Variants in PRKD3 observed in about 807,000 individuals in gnomAD.
PRKD3 encodes serine/threonine-protein kinase D3.
PRKD3 carries 47 observed loss-of-function variants against 99.2 expected under a neutral mutation model. The ratio of observed to expected loss-of-function variants is 0.47; its 90% CI spans 0.38 to 0.60. PRKD3 has a LOEUF of 0.60. Among genes scored for constraint, PRKD3 ranks in the 20% least tolerant of loss-of-function variants. The pLI is 0.00. For missense variants in PRKD3, 1,019 were observed against 1,088.4 expected, an observed-to-expected ratio of 0.94 and a Z score of 0.90; for synonymous variants, 392 against 355.4, an observed-to-expected ratio of 1.10 and a Z score of -1.16.
rs1266523607 is a variant in PRKD3, at chr2:37,250,669, C to CTT, written c.*2506_*2507dup. ...ACCAGGTCAAACTTTTCTTTGGATA[C>CTT]TTATACTAGAAATAGGCTCAGGTTT... is the stretch of plus-strand genomic sequence containing the variant. On this transcript the variant is annotated 3_prime_UTR_variant, in exon 19 of 19. Transcript: ENST00000234179. 6.6e-6 allele frequency: 1 copy of CTT among 152,046 alleles called. No homozygotes were observed. The highest frequency in any genetic ancestry group is 1.5e-5 in the Non-Finnish European group (1 of 68,008). 9.4% of individuals were successfully genotyped at this position (152,046 alleles called of 1,614,324 possible). A position where few individuals can be genotyped will look rare whatever the true frequency, so the allele number is the denominator to read the frequency against.
intron 2 of PRKD3, among the ~76,000 whole-genome samples, chr2:37,315,613 T>C (rs568415963): frequency 6.6e-6 from 1 of 152,302 alleles, no homozygotes; most frequent in East Asian, 1.9e-4. Flanking sequence ...ACCTCCTGTT[T>C]TCTCTGAAAA....
intron 17 of PRKD3, 33 bp from the exon 18 acceptor site, chr2:37,254,322 T>C (rs367965762): frequency 1.2e-4 from 182 of 1,561,876 alleles, no homozygotes; most frequent in Non-Finnish European, 1.5e-4. Context: ...ATACATGAAT[T>C]TGGGTGCACA....
intron 2 of PRKD3, 85 bp downstream of exon 2, chr2:37,316,152 T>C: frequency 7.6e-7 from 1 of 1,313,560 alleles, no homozygotes; most frequent in Non-Finnish European, 1.1e-6. Context: ...TGGATCAGTA[T>C]GTCTTAACTC....
chr2:37,262,481 A>G (rs953878248), intron 14 of PRKD3, among the ~76,000 whole-genome samples: 2 of 152,230 alleles, frequency 1.3e-5, no homozygotes, highest in African/African-American at 4.8e-5. Flanking sequence ...TTTTAAACCC[A>G]TTTTATGAGA....
intron 2 of PRKD3, among the ~76,000 whole-genome samples, chr2:37,313,420 G>C (rs1671530824): frequency 6.6e-6 from 1 of 151,524 alleles, no homozygotes; most frequent in Non-Finnish European, 1.5e-5. Context: ...AAAGAAGGCA[G>C]AAAAGGACCT....
intron 11 of PRKD3, 85 bp from the exon 12 acceptor site, chr2:37,272,517 C>A: frequency 6.8e-7 from 1 of 1,474,122 alleles, no homozygotes. Flanking sequence ...GTATATCAAA[C>A]TTTAAAAAGT....
chr2:37,259,864 TTTAA>T (rs1379193805), intron 15 of PRKD3, among the ~76,000 whole-genome samples, 183 bp from the exon 16 acceptor site: 5 of 152,278 alleles, frequency 3.3e-5, no homozygotes, highest in Admixed American at 2.6e-4. Flanking sequence ...AGTACTGCTA[TTTAA>T]TTATTTTAGT....
rs190019501 is a variant in PRKD3 at position 37,300,999 on chromosome 2, T to C, written c.289-7728A>G. Among the ~76,000 whole-genome samples the C allele has an allele frequency of 4.7e-3, 648 of 136,628 alleles. 1 individual carries two copies. The highest frequency in any genetic ancestry group is 0.031 in the South Asian group (127 of 4,092). 89.6% of individuals were successfully genotyped at this position (136,628 alleles called of 152,430 possible). A position where few individuals can be genotyped will look rare whatever the true frequency, so the allele number is the denominator to read the frequency against. ...TGACTTTAGATGAAAAATGGTATTTTTGTAGTTTTAATTTGCATTTCTTTT... is the reference window on the plus strand; with the variant it reads ...TGACTTTAGATGAAAAATGGTATTTCTGTAGTTTTAATTTGCATTTCTTTT... On this transcript the variant is annotated intron_variant, in intron 2 of 18. Coordinates refer to ENST00000234179, the MANE Select transcript of PRKD3 (RefSeq NM_005813.6).
At chr2:37,297,214 T>C (rs1670713671) in intron 2 of PRKD3, among the ~76,000 whole-genome samples, 1 of 152,148 alleles carries the variant, frequency 6.6e-6, no homozygotes, top group Admixed American at 6.5e-5. Context: ...AAAGGATGCT[T>C]AGGCTATCAT....
chr2:37,260,181 G>T, intron 15 of PRKD3, 42 bp downstream of exon 15: 3 of 1,517,766 alleles, frequency 2.0e-6, no homozygotes, highest in Non-Finnish European at 2.7e-6. Context: ...AAAAAAATTA[G>T]TTTTTAATCG....
intron 3 of PRKD3, 47 bp from the exon 4 acceptor site, chr2:37,291,046 A>C: frequency 6.6e-7 from 1 of 1,520,338 alleles, no homozygotes; most frequent in Non-Finnish European, 8.9e-7. Flanking sequence ...TTGTACTGCG[A>C]TGAGATTAAG....
chr2:37,302,826 T>TA (rs1670993856), intron 2 of PRKD3, among the ~76,000 whole-genome samples: 1 of 152,064 alleles, frequency 6.6e-6, no homozygotes, highest in East Asian at 1.9e-4. Flanking sequence ...GTGCTGATGA[T>TA]AGAGACAGAA....
chr2:37,264,775 A>G (rs1038542125), intron 14 of PRKD3, among the ~76,000 whole-genome samples: 1 of 152,130 alleles, frequency 6.6e-6, no homozygotes, highest in Non-Finnish European at 1.5e-5. Context: ...TGTTGTGTAT[A>G]TTGTCTGCAG....
intron 3 of PRKD3, 136 bp from the exon 4 acceptor site, chr2:37,291,135 T>C (rs1217341140): frequency 4.0e-6 from 3 of 747,896 alleles, no homozygotes; most frequent in African/African-American, 1.8e-5. Context: ...TAAAAGTAAA[T>C]TATTTAATAT....
chr2:37,313,402 G>A (rs1671530308), intron 2 of PRKD3, among the ~76,000 whole-genome samples: 1 of 151,046 alleles, frequency 6.6e-6, no homozygotes, highest in Admixed American at 6.6e-5. Flanking sequence ...ATTATATAAT[G>A]TAATTCAAAA....
chr2:37,274,255 A>G (rs190786013), intron 11 of PRKD3, among the ~76,000 whole-genome samples, 166 bp downstream of exon 11: 288 of 152,352 alleles, frequency 1.9e-3, no homozygotes, highest in Middle Eastern at 3.4e-3. Context: ...ACTATAACCA[A>G]TATAATTTTA....
intron 2 of PRKD3, 148 bp from the exon 3 acceptor site, chr2:37,293,419 C>T (rs1183702920): frequency 2.7e-5 from 18 of 670,690 alleles, no homozygotes; most frequent in South Asian, 1.1e-4. Flanking sequence ...AGGTGATCCA[C>T]GTACTCAAGC....
chr2:37,254,190 A>C lies in PRKD3; in HGVS notation c.2499+14T>G. ...AAATGAGGATTGCCAAAGAGAGATT[A>C]CATTTTTTTTTACCTGTAGCCAGGG... On this transcript the variant is annotated intron_variant, in intron 18 of 18. Coordinates refer to ENST00000234179, the MANE Select transcript of PRKD3 (RefSeq NM_005813.6). 1 of 1,579,476 alleles carries C rather than the reference A, an allele frequency of 6.3e-7. No individual in the cohort carries two copies. The highest frequency in any genetic ancestry group is 8.7e-7 in the Non-Finnish European group (1 of 1,148,722).
Position 37,260,404 on chromosome 2 carries a change from T to TA in PRKD3, c.1885-21dup. 6.3e-7 allele frequency: 1 copy of TA among 1,595,108 alleles called. No homozygotes were observed. Among genetic ancestry groups the TA allele is most frequent in the East Asian group, 2.2e-5 (1 of 44,732 alleles). On this transcript the variant is annotated intron_variant, in intron 14 of 18. Coordinates refer to ENST00000234179, the MANE Select transcript of PRKD3 (RefSeq NM_005813.6). ...CAAATTCTGAAGAGAGGTTGCAAGA[T>TA]ACATGAGCAACTTAAGCAGAGAAAC...
Sources: allele counts gnomAD v4.1 joint callset (sites outside exome capture counted in the v4.1 genomes callset), GRCh38; gene constraint gnomAD v4.1.1; transcripts MANE v1.5; gene names NCBI Gene and HGNC (gene_info 2026-07-23, HGNC 2026-07-21).